Variants in MITF observed in about 807,000 individuals in gnomAD.
MITF encodes microphthalmia-associated transcription factor.
MITF carries 17 observed loss-of-function variants against 60.5 expected under a neutral mutation model. That is an observed-to-expected ratio of 0.28 (90% CI 0.19 to 0.42). The LOEUF (loss-of-function observed/expected upper bound fraction) is 0.42, where lower values mean the gene tolerates loss of function less well. Among genes scored for constraint, MITF ranks in the 10% least tolerant of loss-of-function variants. The pLI is 1.00. For synonymous variants in MITF, 260 were observed against 248.5 expected (o/e 1.05, Z -0.43); for missense variants, 622 against 683.5 (o/e 0.91, Z 1.00).
rs902797391 is a variant in MITF, at chr3:69,913,781, G to A, written c.355-24041G>A. 2.6e-5 allele frequency among the ~76,000 whole-genome samples: 4 copies of A among 152,174 alleles called. No homozygotes were observed. The East Asian group carries it at 5.8e-4, about 22-fold the overall frequency. The stretch of plus-strand genomic sequence containing the variant: ...GTATTAATAGCATGATAAAACGAAG[G>A]CCCTTGAATTGTTTTGGTGGTGATG... On this transcript the variant is annotated intron_variant, in intron 2 of 9. Coordinates refer to ENST00000352241, the MANE Select transcript of MITF (RefSeq NM_001354604.2).
intron 2 of MITF, chr3:69,936,438 C>A: frequency 6.6e-6 from 3 of 453,260 alleles, no homozygotes; most frequent in South Asian, 5.2e-5. Context: ...TGAAAAAAAG[C>A]ATGACGTCAA....
intron 1 of MITF, among the ~76,000 whole-genome samples, chr3:69,756,060 G>A (rs1381947801): frequency 6.6e-6 from 1 of 152,012 alleles, no homozygotes; most frequent in Non-Finnish European, 1.5e-5. Context: ...CAACAGTTTG[G>A]TTCTCTATCG....
At chr3:69,824,748 C>T (rs573084176) in intron 1 of MITF, among the ~76,000 whole-genome samples, 10 of 152,270 alleles carry the variant, frequency 6.6e-5, no homozygotes, top group Admixed American at 1.3e-4. Flanking sequence ...TGGCCACAGC[C>T]GCACCTGGTA....
intron 9 of MITF, among the ~76,000 whole-genome samples, chr3:69,962,826 C>A (rs1295641311): frequency 6.6e-6 from 1 of 152,090 alleles, no homozygotes; most frequent in Admixed American, 6.5e-5. Flanking sequence ...AGTGTATTAC[C>A]CAGCTAGTGC....
At chr3:69,804,198 C>T (rs1046359750) in intron 1 of MITF, among the ~76,000 whole-genome samples, 5 of 152,166 alleles carry the variant, frequency 3.3e-5, no homozygotes, top group Non-Finnish European at 7.4e-5. Flanking sequence ...ACAGTTGTTA[C>T]GACAGACAAT....
chr3:69,920,873 G>A (rs942458588), intron 2 of MITF, among the ~76,000 whole-genome samples: 2 of 152,078 alleles, frequency 1.3e-5, no homozygotes, highest in African/African-American at 4.8e-5. Context: ...GACCCTGTGG[G>A]GCTGGTCCCT....
At chr3:69,930,481 G>T (rs73117320) in intron 2 of MITF, among the ~76,000 whole-genome samples, 1 of 152,180 alleles carries the variant, frequency 6.6e-6, no homozygotes, top group South Asian at 2.1e-4. Context: ...CTGGAATGCC[G>T]TTCCTGCCAA....
At chr3:69,846,892 G>A (rs2063742428) in intron 1 of MITF, among the ~76,000 whole-genome samples, 1 of 151,012 alleles carries the variant, frequency 6.6e-6, no homozygotes, top group Non-Finnish European at 1.5e-5. Context: ...TACAATCCCA[G>A]AGATTAATGA....
Position 69,834,198 on chromosome 3 carries a change from A to G in MITF, c.105-44936A>G, listed in dbSNP as rs73838669. Among the ~76,000 whole-genome samples the G allele has an allele frequency of 2.2e-3, 342 of 152,286 alleles. 2 individuals carry two copies. Among genetic ancestry groups the G allele is most frequent in the African/African-American group, 7.9e-3 (329 of 41,560 alleles). ...AAAACCTCTTTTCTAGCTGTTTTGT[A>G]AAATACAATACCTTACTTTTAACTA... On this transcript the variant is annotated intron_variant, in intron 1 of 9. Coordinates refer to ENST00000352241, the MANE Select transcript of MITF (RefSeq NM_001354604.2).
chr3:69,776,193 C>T (rs1235190828), intron 1 of MITF, among the ~76,000 whole-genome samples: 1 of 152,134 alleles, frequency 6.6e-6, no homozygotes, highest in African/African-American at 2.4e-5. Flanking sequence ...GACCCTGGGC[C>T]ACTGAATTAA....
chr3:69,853,113 G>A (rs184205319), intron 1 of MITF, among the ~76,000 whole-genome samples: 1 of 152,026 alleles, frequency 6.6e-6, no homozygotes, highest in South Asian at 2.1e-4. Flanking sequence ...CAGCAAAATC[G>A]TGCTTTAGGA....
intron 1 of MITF, among the ~76,000 whole-genome samples, chr3:69,839,703 C>A (rs549777934): frequency 6.6e-6 from 1 of 151,374 alleles, no homozygotes; most frequent in Admixed American, 6.6e-5. Flanking sequence ...AGAAGGGAAC[C>A]GACTTTCCAT....
chr3:69,859,804 A>G (rs1176231160), intron 1 of MITF, among the ~76,000 whole-genome samples: 3 of 152,164 alleles, frequency 2.0e-5, no homozygotes, highest in African/African-American at 4.8e-5. Context: ...ACAGTAAAAT[A>G]TATGTCCACA....
chr3:69,813,716 G>T (rs995695118), intron 1 of MITF, among the ~76,000 whole-genome samples: 1 of 152,196 alleles, frequency 6.6e-6, no homozygotes, highest in Non-Finnish European at 1.5e-5. Flanking sequence ...CTGACAAATT[G>T]ATTAGCATTT....
chr3:69,830,172 G>A (rs6805563), intron 1 of MITF, among the ~76,000 whole-genome samples: 50,627 of 151,898 alleles, frequency 0.33, 9,543 homozygotes, highest in Non-Finnish European at 0.43. Context: ...AGGTTCTATC[G>A]GTGGTTCATG....
At chr3:69,922,276 C>T (rs370278170) in intron 2 of MITF, among the ~76,000 whole-genome samples, 34 of 152,026 alleles carry the variant, frequency 2.2e-4, no homozygotes, top group East Asian at 1.2e-3. Flanking sequence ...GGCTGGAGTG[C>T]GGTGGCACAA....
chr3:69,943,043 T>C (rs1368785947), intron 5 of MITF, among the ~76,000 whole-genome samples: 3 of 151,464 alleles, frequency 2.0e-5, no homozygotes, highest in Admixed American at 1.3e-4. Context: ...TCATTTGGTC[T>C]AACCTAGTAC....
chr3:69,809,362 A>G (rs1159094381), intron 1 of MITF, among the ~76,000 whole-genome samples: 1 of 152,176 alleles, frequency 6.6e-6, no homozygotes, highest in African/African-American at 2.4e-5. Context: ...CCTTTTGGAC[A>G]GCAGGTCCAA....
chr3:69,805,722 G>A (rs1469333446), intron 1 of MITF, among the ~76,000 whole-genome samples: 2 of 152,116 alleles, frequency 1.3e-5, no homozygotes, highest in Admixed American at 6.5e-5. Context: ...GCAGTGGCAT[G>A]ATCATAGCTT....
Sources: allele counts gnomAD v4.1 joint callset (sites outside exome capture counted in the v4.1 genomes callset), GRCh38; gene constraint gnomAD v4.1.1; transcripts MANE v1.5; gene names NCBI Gene and HGNC (gene_info 2026-07-23, HGNC 2026-07-21).